Variants in ROR2 observed in about 807,000 individuals in gnomAD.
ROR2 encodes the protein tyrosine-protein kinase transmembrane receptor ROR2.
ROR2 carries 33 observed loss-of-function variants against 74.9 expected under a neutral mutation model. That is an observed-to-expected ratio of 0.44 (90% CI 0.33 to 0.59). The LOEUF is 0.59. Ranked by LOEUF, ROR2 falls within the 20% of genes least tolerant of loss-of-function variation. ROR2 has a pLI of 0.02. For synonymous variants in ROR2, 586 were observed against 558.7 expected (o/e 1.05, Z -0.69); for missense variants, 1,216 against 1,313.8 (o/e 0.93, Z 1.15).
intron 1 of ROR2, chr9:91,886,552 A>G (rs1453194705): frequency 6.6e-6 from 1 of 152,456 alleles, no homozygotes; most frequent in African/African-American, 2.4e-5. Flanking sequence ...TGCCCTCACG[A>G]GGGGACCCGC....
intron 4 of ROR2, among the ~76,000 whole-genome samples, chr9:91,741,301 GTAGTAATAATAA>G (rs1170906614): frequency 2.4e-4 from 24 of 100,612 alleles, no homozygotes; most frequent in South Asian, 9.8e-4. Flanking sequence ...TCTGTCTCAA[GTAGTAATAATAA>G]TAATAATAAT....
chr9:91,763,634 T>C (rs2118879570), intron 2 of ROR2, among the ~76,000 whole-genome samples: 1 of 152,344 alleles, frequency 6.6e-6, no homozygotes, highest in South Asian at 2.1e-4. Context: ...ATCTCTCTAT[T>C]CTGATGCTTT....
chr9:91,900,225 G>A (rs1027060223), intron 1 of ROR2, among the ~76,000 whole-genome samples: 5 of 152,160 alleles, frequency 3.3e-5, no homozygotes, highest in East Asian at 1.9e-4. Context: ...GGGGTGGGGG[G>A]CAGGGCCCCA....
rs1825014496 is a variant in ROR2, at chr9:91,736,058, C to T, written c.622+1333G>A. Among the ~76,000 whole-genome samples the T allele has an allele frequency of 3.3e-5, 5 of 152,268 alleles. No homozygotes were observed. In the South Asian group the frequency reaches 1.0e-3, roughly 32 times the overall value. On this transcript the variant is annotated intron_variant, in intron 5 of 8. Transcript: ENST00000375708. ...ACTAAGTCATGGCGTAAAGTATATTCTCTATTTTCCACTGTGTGTTTCGGT... is the reference window on the plus strand; with the variant it reads ...ACTAAGTCATGGCGTAAAGTATATTTTCTATTTTCCACTGTGTGTTTCGGT...
At chr9:91,892,908 G>A (rs987636427) in intron 1 of ROR2, among the ~76,000 whole-genome samples, 5 of 152,052 alleles carry the variant, frequency 3.3e-5, no homozygotes, top group African/African-American at 1.2e-4. Context: ...TTTCTCTTTT[G>A]TACTATCCTT....
chr9:91,838,137 C>T (rs62564594), intron 1 of ROR2, among the ~76,000 whole-genome samples: 2,288 of 152,272 alleles, frequency 0.015, 31 homozygotes, highest in Non-Finnish European at 0.021. Flanking sequence ...CCTGGGCATA[C>T]CTTATGTGTG....
intron 1 of ROR2, among the ~76,000 whole-genome samples, chr9:91,805,899 T>C (rs1046209022): frequency 6.6e-6 from 1 of 152,184 alleles, no homozygotes; most frequent in Non-Finnish European, 1.5e-5. Flanking sequence ...GGGACAAAAC[T>C]GATGGAATCG....
At chr9:91,884,578 T>A (rs1830219397) in intron 1 of ROR2, among the ~76,000 whole-genome samples, 1 of 152,098 alleles carries the variant, frequency 6.6e-6, no homozygotes, top group South Asian at 2.1e-4. Flanking sequence ...ATTTTTAATA[T>A]TGCCAGAATA....
intron 1 of ROR2, among the ~76,000 whole-genome samples, chr9:91,810,532 G>C (rs958485390): frequency 6.6e-6 from 1 of 152,178 alleles, no homozygotes; most frequent in African/African-American, 2.4e-5. Context: ...CCTCTGCTCT[G>C]CACTTCAGCT....
At chr9:91,764,434 T>C (rs557461632) in intron 2 of ROR2, among the ~76,000 whole-genome samples, 1 of 152,270 alleles carries the variant, frequency 6.6e-6, no homozygotes, top group South Asian at 2.1e-4. Context: ...AATGCTCCAT[T>C]TTTCCCCTCT....
At chr9:91,815,472 T>A (rs918788676) in intron 1 of ROR2, among the ~76,000 whole-genome samples, 3 of 152,140 alleles carry the variant, frequency 2.0e-5, no homozygotes, top group Non-Finnish European at 4.4e-5. Flanking sequence ...AAGAGAACAT[T>A]AAATGTTCAC....
At chr9:91,922,928 A>T (rs7853136) in intron 1 of ROR2, among the ~76,000 whole-genome samples, 4 of 151,182 alleles carry the variant, frequency 2.6e-5, no homozygotes. Flanking sequence ...CCTGCCTCTC[A>T]AAGCCCTGTC....
intron 1 of ROR2, among the ~76,000 whole-genome samples, chr9:91,901,880 T>C (rs1049077052): frequency 6.6e-6 from 1 of 151,940 alleles, no homozygotes; most frequent in African/African-American, 2.4e-5. Context: ...CCATAGCTAC[T>C]GTGTGAGGAA....
rs920956962 is a variant in ROR2 at position 91,723,696 on chromosome 9, T to C, written c.2798A>G (p.Gln933Arg). 7.4e-6 allele frequency: 12 copies of C among 1,613,878 alleles called. No homozygotes were observed. Among genetic ancestry groups the C allele is most frequent in the Admixed American group, 3.3e-5 (2 of 60,014 alleles). The change falls in exon 9 of 9, where the codon CAG becomes CGG. Residue 933 changes from glutamine (Q) to arginine (R), a missense_variant. Physicochemically the swap from Gln to Arg is conservative, Grantham distance 43. Transcript: ENST00000375708. ...CAGCTGGACTTGGGCCTCGTCCACC[T>C]GCAGAGTGTCACAGTCCCCCAGCAG... is the stretch of plus-strand genomic sequence containing the variant. Reference protein sequence around the residue: ...TELLGDCDTLQVDEAQVQLEA With the variant: ...TELLGDCDTLRVDEAQVQLEA
chr9:91,792,536 C>T (rs1160091700), intron 1 of ROR2, among the ~76,000 whole-genome samples: 1 of 152,128 alleles, frequency 6.6e-6, no homozygotes, highest in Non-Finnish European at 1.5e-5. Flanking sequence ...TCTCGATCTC[C>T]TGACCTTGTG....
Position 91,796,381 on chromosome 9 carries a change from C to T in ROR2, c.98-20563G>A, listed in dbSNP as rs180974584. On this transcript the variant is annotated intron_variant, in intron 1 of 8. Transcript: ENST00000375708. ...CTGGGAGGTCAAGGCTGCAGTGAGCCGAGATGGCAATACTGCACTGCAGCC... is the reference window on the plus strand; with the variant it reads ...CTGGGAGGTCAAGGCTGCAGTGAGCTGAGATGGCAATACTGCACTGCAGCC... 6.6e-3 allele frequency among the ~76,000 whole-genome samples: 942 copies of T among 143,728 alleles called. 2 individuals carry two copies. Among genetic ancestry groups the T allele is most frequent in the Non-Finnish European group, 0.011 (710 of 67,370 alleles). 94.3% of individuals were successfully genotyped at this position (143,728 alleles called of 152,430 possible). A position where few individuals can be genotyped will look rare whatever the true frequency, so the allele number is the denominator to read the frequency against.
chr9:91,849,120 T>C (rs1829022453), intron 1 of ROR2, among the ~76,000 whole-genome samples: 1 of 152,140 alleles, frequency 6.6e-6, no homozygotes, highest in South Asian at 2.1e-4. Flanking sequence ...AGGGCTTGCT[T>C]GAGATCACCT....
At chr9:91,756,862 T>A (rs1283341263) in intron 3 of ROR2, among the ~76,000 whole-genome samples, 1 of 150,000 alleles carries the variant, frequency 6.7e-6, no homozygotes. Flanking sequence ...GCGATTCTCC[T>A]GCCTCAGCCT....
At position 91,869,645 on chromosome 9, in the gene ROR2, A is replaced by AG. The variant is rs376288963; in HGVS notation, c.97+80221dup. Among the ~76,000 whole-genome samples the AG allele has an allele frequency of 2.5e-3, 388 of 152,294 alleles. 4 individuals carry two copies. The highest frequency in any genetic ancestry group is 9.1e-3 in the African/African-American group (377 of 41,562). On this transcript the variant is annotated intron_variant, in intron 1 of 8. Coordinates refer to ENST00000375708, the MANE Select transcript of ROR2 (RefSeq NM_004560.4). ...TACTATAGGGACAGAAAAAAAGACA[A>AG]GTGGTTGCCAAGGCTCGTGGGTGGA...
Sources: gnomAD v4.1 joint callset for allele counts (sites outside exome capture counted in the v4.1 genomes callset) on GRCh38, gnomAD v4.1.1 for gene constraint, MANE v1.5 for transcripts, NCBI Gene and HGNC (gene_info 2026-07-23, HGNC 2026-07-21) for gene names.